Variants in TMC1 observed in about 807,000 individuals in gnomAD.
The protein encoded by TMC1 is transmembrane channel like 1.
In TMC1, 84 loss-of-function variants were observed where a neutral mutation model predicts 105.8. The ratio of observed to expected loss-of-function variants is 0.79; its 90% confidence interval spans 0.67 to 0.95. The LOEUF is 0.95. Among genes scored for constraint, TMC1 ranks in the 40% least tolerant of loss-of-function variants. TMC1 has a pLI of 0.00. For missense variants in TMC1, 817 were observed against 914.1 expected (o/e 0.89, Z 1.37); for synonymous variants, 315 against 311.5 (o/e 1.01, Z -0.12).
At chr9:72,825,267 C>T (rs1828934504) in intron 20 of TMC1, among the ~76,000 whole-genome samples, 1 of 152,164 alleles carries the variant, frequency 6.6e-6, no homozygotes, top group Non-Finnish European at 1.5e-5. Flanking sequence ...GAAGACAGGC[C>T]TCCTCATAAA....
At chr9:72,751,815 A>T in intron 10 of TMC1, 35 bp from the exon 11 acceptor site, 1 of 1,368,558 alleles carries the variant, frequency 7.3e-7, no homozygotes, top group South Asian at 1.2e-5. Context: ...GTTTGCTTTG[A>T]TCTCTCTTCA....
intron 1 of TMC1, among the ~76,000 whole-genome samples, chr9:72,542,343 C>T (rs1219092324): frequency 6.6e-6 from 1 of 152,082 alleles, no homozygotes; most frequent in Non-Finnish European, 1.5e-5. Flanking sequence ...TGCCTGAAGT[C>T]CCAGCTACTT....
At chr9:72,624,240 A>C (rs1825306491) in intron 3 of TMC1, among the ~76,000 whole-genome samples, 2 of 152,152 alleles carry the variant, frequency 1.3e-5, no homozygotes, top group Non-Finnish European at 2.9e-5. Flanking sequence ...GACACTATTT[A>C]TGGGCTTTCC....
At chr9:72,644,323 A>G (rs905172046) in intron 4 of TMC1, among the ~76,000 whole-genome samples, 3 of 151,896 alleles carry the variant, frequency 2.0e-5, no homozygotes, top group African/African-American at 7.2e-5. Flanking sequence ...ATTTGGTGTT[A>G]TATCTAAAAA....
chr9:72,823,533 G>A (rs997638083), intron 20 of TMC1, among the ~76,000 whole-genome samples: 4 of 152,032 alleles, frequency 2.6e-5, no homozygotes, highest in African/African-American at 9.7e-5. Flanking sequence ...TATCCATTCA[G>A]TAAAGCAATT....
At chr9:72,539,687 C>A (rs1179466535) in intron 1 of TMC1, among the ~76,000 whole-genome samples, 1 of 152,214 alleles carries the variant, frequency 6.6e-6, no homozygotes, top group Admixed American at 6.6e-5. Context: ...TGCCTGTCTT[C>A]TTCTGAGCCC....
intron 21 of TMC1, 140 bp from the exon 22 acceptor site, chr9:72,830,311 A>G: frequency 2.9e-6 from 2 of 690,676 alleles, no homozygotes; most frequent in Non-Finnish European, 5.1e-6. Flanking sequence ...TTTTATCTAT[A>G]AGACAAGAGA....
At chr9:72,678,669 CTAT>C in intron 5 of TMC1, among the ~76,000 whole-genome samples, 1 of 151,916 alleles carries the variant, frequency 6.6e-6, no homozygotes. Flanking sequence ...ATTCTCAATT[CTAT>C]TATTATAGAC....
At position 72,742,646 on chromosome 9, in the gene TMC1, AC is replaced by A. The variant is rs200836732; in HGVS notation, c.535+122del. ...AGACTAGAAACAAACAAACAAACAA[AC>A]AAAAACCAAATCAACAAAAACTTTG... On this transcript the variant is annotated intron_variant, in intron 10 of 23. Coordinates refer to ENST00000297784, the MANE Select transcript of TMC1 (RefSeq NM_138691.3). 3,288 of 780,728 alleles carry A rather than the reference AC, an allele frequency of 4.2e-3. 78 individuals carry two copies. In the African/African-American group the frequency reaches 0.05, roughly 12 times the overall value. 48.4% of individuals were successfully genotyped at this position (780,728 alleles called of 1,614,324 possible).
chr9:72,813,215 A>C (rs1828732732), intron 18 of TMC1, among the ~76,000 whole-genome samples: 1 of 152,160 alleles, frequency 6.6e-6, no homozygotes. Flanking sequence ...GACAAACAAA[A>C]TATATTGCAA....
At chr9:72,527,697 G>T (rs1296149586) in intron 1 of TMC1, among the ~76,000 whole-genome samples, 1 of 152,108 alleles carries the variant, frequency 6.6e-6, no homozygotes, top group African/African-American at 2.4e-5. Flanking sequence ...TGTTTGTTCC[G>T]TCCCTGGTTT....
chr9:72,596,537 T>A (rs976427764), intron 2 of TMC1, among the ~76,000 whole-genome samples: 1 of 99,588 alleles, frequency 1.0e-5, no homozygotes, highest in African/African-American at 4.5e-5. Context: ...CAGTTTCAAT[T>A]GTAAAAAAAA....
chr9:72,823,529 T>C (rs77292690), intron 20 of TMC1, among the ~76,000 whole-genome samples: 9 of 152,114 alleles, frequency 5.9e-5, no homozygotes, highest in Non-Finnish European at 1.0e-4. Context: ...TATTTATCCA[T>C]TCAGTAAAGC....
In TMC1 at chr9:72,627,986, A is replaced by G. The variant is rs997651631; in HGVS notation, c.-130A>G. The G allele has an allele frequency of 2.6e-5, 12 of 455,578 alleles. No homozygotes were observed. Among genetic ancestry groups the G allele is most frequent in the African/African-American group, 2.0e-4 (10 of 50,010 alleles). The allele number at this position is 455,578 out of a possible 1,614,324, so 28.2% of individuals were successfully genotyped here. On this transcript the variant is annotated 5_prime_UTR_variant, in exon 4 of 24. Transcript: ENST00000297784. ...ACATCTGAAAATCTCTGCTGGGGGC[A>G]GCAACTTTGAGCCTGTGGGGAAGGA...
At chr9:72,733,845 C>CT (rs918486475) in intron 8 of TMC1, among the ~76,000 whole-genome samples, 14 of 150,404 alleles carry the variant, frequency 9.3e-5, no homozygotes, top group Admixed American at 4.0e-4. Context: ...CCTCAGCATA[C>CT]TTTTTTTTTT....
At chr9:72,788,683 A>T (rs1828211492) in intron 14 of TMC1, among the ~76,000 whole-genome samples, 200 bp downstream of exon 14, 1 of 152,134 alleles carries the variant, frequency 6.6e-6, no homozygotes, top group Non-Finnish European at 1.5e-5. Context: ...TTATTCCTTA[A>T]ACACTTCTCT....
chr9:72,569,864 G>C (rs1450104045), intron 1 of TMC1, among the ~76,000 whole-genome samples: 1 of 152,198 alleles, frequency 6.6e-6, no homozygotes, highest in African/African-American at 2.4e-5. Context: ...CCTGAGTGCT[G>C]TCTGCTAGAA....
intron 1 of TMC1, among the ~76,000 whole-genome samples, chr9:72,542,248 G>A (rs1823691462): frequency 6.6e-6 from 1 of 152,016 alleles, no homozygotes; most frequent in Non-Finnish European, 1.5e-5. Flanking sequence ...ATCACCTGAG[G>A]TCAGGAGATG....
chr9:72,822,458 C>G (rs1828889748), intron 20 of TMC1, among the ~76,000 whole-genome samples: 1 of 151,750 alleles, frequency 6.6e-6, no homozygotes, highest in Non-Finnish European at 1.5e-5. Context: ...TCGAGTTAAA[C>G]TAGCTGGACC....
Sources: allele counts gnomAD v4.1 joint callset (sites outside exome capture counted in the v4.1 genomes callset), GRCh38; gene constraint gnomAD v4.1.1; transcripts MANE v1.5; gene names NCBI Gene and HGNC (gene_info 2026-07-23, HGNC 2026-07-21).